FOCAD: variants seen among roughly 807,000 people sequenced by gnomAD.
FOCAD encodes the protein KIAA1797.
FOCAD carries 198 observed loss-of-function variants against 225.6 expected under a neutral mutation model. The observed-to-expected ratio is 0.88, with a 90% CI of 0.78 to 0.99. The LOEUF (loss-of-function observed/expected upper bound fraction) is 0.99, where lower values mean the gene tolerates loss of function less well. FOCAD is among the 50% of genes least tolerant of loss of function. FOCAD has a pLI of 0.00. For synonymous variants in FOCAD, 897 were observed against 755.0 expected, an observed-to-expected ratio of 1.19 and a Z score of -3.08; for missense variants, 2,713 against 2,123.6, an observed-to-expected ratio of 1.28 and a Z score of -5.46.
Position 20,765,076 on chromosome 9 carries a change from A to G in FOCAD, c.699+3A>G. 6.2e-7 allele frequency: 1 copy of G among 1,611,004 alleles called. No individual in the cohort carries two copies. Among genetic ancestry groups the G allele is most frequent in the Non-Finnish European group, 8.5e-7 (1 of 1,178,338 alleles). On this transcript the variant is annotated splice_donor_region_variant and intron_variant, in intron 7 of 43. Coordinates refer to ENST00000338382, the MANE Select transcript of FOCAD (RefSeq NM_001375567.1). The stretch of plus-strand genomic sequence containing the variant: ...GTGACATAGTTCCATGTTTGCAGGT[A>G]AGGTCTTTGTCCTCCTCCACAAATA...
chr9:20,677,755 A>G (rs1436516442), intron 2 of FOCAD, among the ~76,000 whole-genome samples: 1 of 152,236 alleles, frequency 6.6e-6, no homozygotes, highest in Non-Finnish European at 1.5e-5. Flanking sequence ...TGGCAGAGCC[A>G]TGATAGAAAA....
chr9:20,665,911 T>A (rs766236738), intron 2 of FOCAD, among the ~76,000 whole-genome samples: 11 of 151,736 alleles, frequency 7.2e-5, no homozygotes, highest in Non-Finnish European at 1.5e-4. Flanking sequence ...ATATATATAT[T>A]TTAGACGGAG....
intron 42 of FOCAD, among the ~76,000 whole-genome samples, chr9:20,991,940 CTT>C (rs1026567030): frequency 1.3e-5 from 2 of 151,820 alleles, no homozygotes; most frequent in African/African-American, 4.8e-5. Flanking sequence ...TAGTGCTTGA[CTT>C]TTTTGCTTAT....
At chr9:20,868,815 A>C (rs1311564133) in intron 18 of FOCAD, among the ~76,000 whole-genome samples, 3 of 152,032 alleles carry the variant, frequency 2.0e-5, no homozygotes, top group Admixed American at 6.6e-5. Context: ...TGAGGGGTGT[A>C]AGTGGTTTGA....
Position 20,933,089 on chromosome 9 carries a change from T to G in FOCAD, c.3393T>G (p.Thr1131=), listed in dbSNP as rs1478574824. The G allele has an allele frequency of 1.9e-6, 3 of 1,613,032 alleles. No homozygotes were observed. Among genetic ancestry groups the G allele is most frequent in the Non-Finnish European group, 2.5e-6 (3 of 1,179,040 alleles). ...LDALENCCFD[T]SLEYNTGCIL... ...CCCTGGAAAATTGCTGCTTTGACAC[T>G]AGTCTTGAATACAAGTATGTTGTTC... is the stretch of plus-strand genomic sequence containing the variant. Residue 1131 remains threonine, a synonymous_variant, in exon 28 of 44, where the codon ACT becomes ACG. Transcript: ENST00000338382.
intron 5 of FOCAD, among the ~76,000 whole-genome samples, chr9:20,746,759 C>A (rs1413717938): frequency 6.6e-6 from 1 of 152,152 alleles, no homozygotes; most frequent in Non-Finnish European, 1.5e-5. Flanking sequence ...TCTGTTGTCT[C>A]AATAATGTCC....
chr9:20,944,525 A>G (rs1836984330), intron 28 of FOCAD, 102 bp from the exon 29 acceptor site: 2 of 1,328,306 alleles, frequency 1.5e-6, no homozygotes, highest in East Asian at 4.7e-5. Flanking sequence ...GAATCCAGCC[A>G]TCTCACCAAG....
chr9:20,803,674 T>C (rs1587234920), intron 11 of FOCAD, among the ~76,000 whole-genome samples: 1 of 152,110 alleles, frequency 6.6e-6, no homozygotes, highest in East Asian at 1.9e-4. Context: ...TCTGTTCTGT[T>C]AGAGAGTATC....
At chr9:20,852,474 G>A (rs541568553) in intron 15 of FOCAD, among the ~76,000 whole-genome samples, 6 of 151,696 alleles carry the variant, frequency 4.0e-5, no homozygotes, top group African/African-American at 1.4e-4. Flanking sequence ...TACATAGGGT[G>A]GGGGTGGGAG....
chr9:20,791,492 G>C (rs1349326679), intron 11 of FOCAD, among the ~76,000 whole-genome samples: 1 of 151,986 alleles, frequency 6.6e-6, no homozygotes, highest in Non-Finnish European at 1.5e-5. Context: ...GTGCATGTTG[G>C]GAACATTCAA....
At chr9:20,709,112 T>G (rs571788685) in intron 1 of FOCAD, among the ~76,000 whole-genome samples, 2 of 152,216 alleles carry the variant, frequency 1.3e-5, no homozygotes, top group Non-Finnish European at 2.9e-5. Flanking sequence ...GCTCTTTTAT[T>G]AGTGCAATTG....
chr9:20,938,177 C>T (rs916373464), intron 28 of FOCAD, among the ~76,000 whole-genome samples: 1 of 152,190 alleles, frequency 6.6e-6, no homozygotes, highest in African/African-American at 2.4e-5. Flanking sequence ...TGTGGCGATT[C>T]CTCAGGGATC....
chr9:20,819,764 CA>C, intron 11 of FOCAD, 31 bp from the exon 12 acceptor site: 1 of 1,182,924 alleles, frequency 8.5e-7, no homozygotes, highest in Non-Finnish European at 1.2e-6. Flanking sequence ...TGTAACAAGG[CA>C]TATTTAATAT....
chr9:20,880,104 A>T (rs1830545364), intron 19 of FOCAD, among the ~76,000 whole-genome samples: 1 of 152,118 alleles, frequency 6.6e-6, no homozygotes, highest in African/African-American at 2.4e-5. Flanking sequence ...ATCGGATATT[A>T]CTCATCTGTT....
intron 35 of FOCAD, among the ~76,000 whole-genome samples, chr9:20,964,487 A>G (rs190685981): frequency 8.5e-5 from 13 of 152,296 alleles, no homozygotes; most frequent in African/African-American, 3.1e-4. Flanking sequence ...ACAGAACTAC[A>G]ACACCAATTA....
rs557849971 is a variant in FOCAD at position 20,968,142 on chromosome 9, G to C, written c.4133-8278G>C. Among the ~76,000 whole-genome samples, 11 of 152,040 alleles carry C rather than the reference G, an allele frequency of 7.2e-5. No individual in the cohort carries two copies. In the South Asian group the frequency reaches 2.3e-3, roughly 32 times the overall value. On this transcript the variant is annotated intron_variant, in intron 35 of 43. Transcript: ENST00000338382. Reference sequence around the variant, plus strand: ...TGATACAATCTCTTTACTTGTTATAGGTCTGTTAAACTTTCTATGCATTCC... The same window carrying C: ...TGATACAATCTCTTTACTTGTTATACGTCTGTTAAACTTTCTATGCATTCC...
intron 11 of FOCAD, among the ~76,000 whole-genome samples, chr9:20,819,562 T>C (rs1241571670): frequency 6.6e-6 from 1 of 152,094 alleles, no homozygotes; most frequent in Non-Finnish European, 1.5e-5. Flanking sequence ...AGTGATGTTA[T>C]AGTTATTCAA....
At chr9:20,869,614 T>C (rs948823077) in intron 18 of FOCAD, among the ~76,000 whole-genome samples, 1 of 152,162 alleles carries the variant, frequency 6.6e-6, no homozygotes, top group South Asian at 2.1e-4. Flanking sequence ...CTGAATGAGA[T>C]ACAATAATAT....
chr9:20,867,728 C>T (rs1829412109), intron 18 of FOCAD, among the ~76,000 whole-genome samples: 1 of 151,946 alleles, frequency 6.6e-6, no homozygotes, highest in African/African-American at 2.4e-5. Context: ...TTATTGAGTG[C>T]CTCTGAAGTG....
Sources: gnomAD v4.1 joint callset for allele counts (sites outside exome capture counted in the v4.1 genomes callset) on GRCh38, gnomAD v4.1.1 for gene constraint, MANE v1.5 for transcripts, NCBI Gene and HGNC (gene_info 2026-07-23, HGNC 2026-07-21) for gene names.